Variants in CCNB1 observed in about 807,000 individuals in gnomAD.
CCNB1 encodes G2/mitotic-specific cyclin-B1.
A neutral mutation model predicts 44.4 loss-of-function variants in CCNB1; 26 were observed. The ratio of observed to expected loss-of-function variants is 0.59; its 90% CI spans 0.43 to 0.81. CCNB1 has a LOEUF of 0.81. CCNB1 is among the 40% of genes least tolerant of loss of function. The pLI is 0.00. For synonymous variants in CCNB1, 195 were observed against 181.4 expected (o/e 1.08, Z -0.60); for missense variants, 477 against 520.9 (o/e 0.92, Z 0.82).
chr5:69,167,296 G>T lies in CCNB1; in HGVS notation c.21+13G>T. ...CCGAGTCACCAGGGTGAGCCGCTTC[G>T]GACTGCGAACTAACGCGGCCTTCTT... On this transcript the variant is annotated intron_variant, in intron 1 of 8. Coordinates refer to ENST00000256442, the MANE Select transcript of CCNB1 (RefSeq NM_031966.4). 6.3e-7 allele frequency: 1 copy of T among 1,598,950 alleles called. No individual in the cohort carries two copies.
intron 7 of CCNB1, 73 bp from the exon 8 acceptor site, chr5:69,177,166 A>G: frequency 1.2e-6 from 1 of 809,600 alleles, no homozygotes; most frequent in Admixed American, 2.1e-5. Flanking sequence ...CTCCTGAATA[A>G]CATCTAACAT....
At chr5:69,171,785 G>A (rs773959487) in intron 4 of CCNB1, among the ~76,000 whole-genome samples, 6 of 152,130 alleles carry the variant, frequency 3.9e-5, no homozygotes, top group Admixed American at 6.6e-5. Flanking sequence ...AGGTGATAAC[G>A]GGTCAGGAAG....
At chr5:69,175,138 C>T in intron 6 of CCNB1, 25 bp downstream of exon 6, 1 of 1,498,884 alleles carries the variant, frequency 6.7e-7, no homozygotes, top group African/African-American at 1.4e-5. Context: ...AGAAACCTCT[C>T]CGTATGGGTA....
chr5:69,171,699 CCA>C (rs1747463578), intron 4 of CCNB1, among the ~76,000 whole-genome samples: 1 of 152,138 alleles, frequency 6.6e-6, no homozygotes, highest in Non-Finnish European at 1.5e-5. Flanking sequence ...AAAGGAAAAT[CCA>C]CAGATTGAAT....
intron 4 of CCNB1, among the ~76,000 whole-genome samples, chr5:69,171,994 C>G (rs1356818241): frequency 6.6e-6 from 1 of 152,130 alleles, no homozygotes; most frequent in Non-Finnish European, 1.5e-5. Flanking sequence ...TGCCCTTTCC[C>G]TACAAATACA....
chr5:69,176,481 C>A (rs1016007546), intron 7 of CCNB1, among the ~76,000 whole-genome samples: 2 of 151,180 alleles, frequency 1.3e-5, no homozygotes, highest in African/African-American at 4.8e-5. Flanking sequence ...CTCAGCCTCC[C>A]GAGTAGCTGG....
intron 3 of CCNB1, among the ~76,000 whole-genome samples, chr5:69,170,707 C>T (rs553060336): frequency 2.2e-4 from 33 of 151,638 alleles, no homozygotes; most frequent in African/African-American, 8.0e-4. Flanking sequence ...CTCACTGTAT[C>T]CTCAAACTCC....
intron 1 of CCNB1, 119 bp from the exon 2 acceptor site, chr5:69,167,789 G>T (rs1747367993): frequency 1.1e-6 from 1 of 883,900 alleles, no homozygotes; most frequent in Non-Finnish European, 1.7e-6. Flanking sequence ...GTTTTCCCTC[G>T]GAACCCATTT....
At chr5:69,175,581 G>C in intron 7 of CCNB1, 44 bp downstream of exon 7, 1 of 1,585,188 alleles carries the variant, frequency 6.3e-7, no homozygotes, top group East Asian at 2.2e-5. Context: ...AAATTTTAAA[G>C]AGTGACTAAA....
chr5:69,168,758 CAT>C (rs1463281382), intron 3 of CCNB1, among the ~76,000 whole-genome samples: 1 of 152,136 alleles, frequency 6.6e-6, no homozygotes, highest in African/African-American at 2.4e-5. Context: ...TTGGCGTAAA[CAT>C]AGAATGTTCT....
In CCNB1 at chr5:69,167,432, GGT is replaced by G. The variant is rs762830513; in HGVS notation, c.21+151_21+152del. 15 of 767,414 alleles carry G rather than the reference GGT, an allele frequency of 2.0e-5. No homozygotes were observed. In the South Asian group the frequency reaches 2.3e-4, roughly 12 times the overall value. 47.5% of individuals were successfully genotyped at this position (767,414 alleles called of 1,614,324 possible). A position where few individuals can be genotyped will look rare whatever the true frequency, so the allele number is the denominator to read the frequency against. ...AGGGGACTCACCAAGAGAGCGCCGA[GGT>G]GGGCCCAGGCCTGGTGAGAGAGTGT... On this transcript the variant is annotated intron_variant, in intron 1 of 8. Transcript: ENST00000256442.
In CCNB1 at chr5:69,168,239, C is replaced by A; in HGVS notation, c.259C>A (p.Pro87Thr). ...KKLPKPLEKV[P>T]MLVPVPVSEP... Reference sequence around the variant, plus strand: ...ACTACCAAAACCTCTTGAAAAGGTACCTATGCTGGTGCCAGTGCCAGTGTC... The same window carrying A: ...ACTACCAAAACCTCTTGAAAAGGTAACTATGCTGGTGCCAGTGCCAGTGTC... The change falls in exon 3 of 9, where the codon CCT becomes ACT. Residue 87 changes from proline to threonine, a missense_variant. Physicochemically the swap from Pro to Thr is conservative, Grantham distance 38. Transcript: ENST00000256442. 4 of 1,614,160 alleles carry A rather than the reference C, an allele frequency of 2.5e-6. No homozygotes were observed. Among genetic ancestry groups the A allele is most frequent in the Non-Finnish European group, 3.4e-6 (4 of 1,180,012 alleles).
intron 3 of CCNB1, among the ~76,000 whole-genome samples, chr5:69,169,541 C>T (rs1747412574): frequency 6.6e-6 from 1 of 152,094 alleles, no homozygotes; most frequent in African/African-American, 2.4e-5. Context: ...AATGCCTTCC[C>T]CACCCTGTCT....
intron 3 of CCNB1, among the ~76,000 whole-genome samples, chr5:69,168,898 C>T (rs1028431227): frequency 6.6e-6 from 1 of 152,068 alleles, no homozygotes; most frequent in Middle Eastern, 3.2e-3. Context: ...TAACACTTAG[C>T]CTCAAAAATA....
At chr5:69,175,232 GTTGTT>G in intron 6 of CCNB1, 119 bp downstream of exon 6, 1 of 1,037,100 alleles carries the variant, frequency 9.6e-7, no homozygotes, top group Non-Finnish European at 1.4e-6. Flanking sequence ...AAGGGATAAA[GTTGTT>G]CTTTATTTCT....
chr5:69,175,604 G>C, intron 7 of CCNB1, 67 bp downstream of exon 7: 1 of 1,468,262 alleles, frequency 6.8e-7, no homozygotes, highest in Non-Finnish European at 9.3e-7. Context: ...CAGAACTTTT[G>C]TTATTAAAAG....
chr5:69,169,300 G>A lies in CCNB1; in HGVS notation c.363+957G>A, dbSNP rs556169999. Among the ~76,000 whole-genome samples, 9 of 152,128 alleles carry A rather than the reference G, an allele frequency of 5.9e-5. No individual in the cohort carries two copies. In the East Asian group the frequency reaches 1.2e-3, roughly 20 times the overall value. ...TAGTGTACTCCTGACCTCATGATCC[G>A]CCCGCCTCGGCCTCCGAAAGTGCTG... On this transcript the variant is annotated intron_variant, in intron 3 of 8. Coordinates refer to ENST00000256442, the MANE Select transcript of CCNB1 (RefSeq NM_031966.4).
chr5:69,176,014 T>TATATATATATATATAC (rs1554057014), intron 7 of CCNB1, among the ~76,000 whole-genome samples: 1 of 134,952 alleles, frequency 7.4e-6, no homozygotes, highest in African/African-American at 2.7e-5. Context: ...TATATATATA[T>TATATATATATATATAC]ACAGGCACAC....
intron 3 of CCNB1, 33 bp from the exon 4 acceptor site, chr5:69,171,237 A>G (rs1379766699): frequency 3.2e-6 from 5 of 1,557,882 alleles, no homozygotes; most frequent in African/African-American, 1.4e-5. Context: ...GCTTACTTCT[A>G]TTTGCTATTT....
Sources: gnomAD v4.1 joint callset for allele counts (sites outside exome capture counted in the v4.1 genomes callset) on GRCh38, gnomAD v4.1.1 for gene constraint, MANE v1.5 for transcripts, NCBI Gene and HGNC (gene_info 2026-07-23, HGNC 2026-07-21) for gene names.